The following PLXNA4 variants were observed in gnomAD, a reference collection of about 807,000 sequenced individuals.
PLXNA4 encodes the protein plexin A4, also known as plexin-A4.
Under a neutral mutation model 191.8 loss-of-function variants are expected in PLXNA4, and 44 were observed. That is an observed-to-expected ratio of 0.23 (90% confidence interval 0.18 to 0.29). The LOEUF is 0.29. PLXNA4 is among the 10% of genes least tolerant of loss of function. PLXNA4 has a pLI of 1.00. For synonymous variants in PLXNA4, 1,082 were observed against 1,009.5 expected, an observed-to-expected ratio of 1.07 and a Z score of -1.36; for missense variants, 1,800 against 2,488.8, an observed-to-expected ratio of 0.72 and a Z score of 5.89.
At chr7:132,257,865 A>G (rs565326803) in intron 4 of PLXNA4, among the ~76,000 whole-genome samples, 1 of 152,298 alleles carries the variant, frequency 6.6e-6, no homozygotes, top group South Asian at 2.1e-4. Context: ...CTGTAGATGG[A>G]GGAATTGGAA....
chr7:132,500,623 T>C (rs1009359869), intron 2 of PLXNA4, among the ~76,000 whole-genome samples: 1 of 152,118 alleles, frequency 6.6e-6, no homozygotes, highest in Non-Finnish European at 1.5e-5. Context: ...ATTCTAAGCA[T>C]GAAATCACTG....
chr7:132,277,537 C>T (rs901887582), intron 4 of PLXNA4, among the ~76,000 whole-genome samples: 3 of 152,116 alleles, frequency 2.0e-5, no homozygotes, highest in African/African-American at 4.8e-5. Context: ...ATGAGTCCTA[C>T]GGTGTCCTGA....
intron 3 of PLXNA4, among the ~76,000 whole-genome samples, chr7:132,298,859 A>G (rs1026434162): frequency 6.6e-6 from 1 of 152,280 alleles, no homozygotes; most frequent in Non-Finnish European, 1.5e-5. Context: ...TGCTTCAGGC[A>G]TGAGTCATCC....
At chr7:132,601,170 AG>A (rs1048344455) in intron 2 of PLXNA4, among the ~76,000 whole-genome samples, 76 of 152,290 alleles carry the variant, frequency 5.0e-4, no homozygotes, top group African/African-American at 1.7e-3. Context: ...AGCACATGGG[AG>A]GGTTCAGTAA....
intron 1 of PLXNA4, among the ~76,000 whole-genome samples, chr7:132,565,116 C>T (rs767763442): frequency 1.3e-5 from 2 of 152,158 alleles, no homozygotes; most frequent in Non-Finnish European, 2.9e-5. Context: ...TTTTCTTTCA[C>T]CTTGTGTGTA....
intron 3 of PLXNA4, among the ~76,000 whole-genome samples, chr7:132,435,308 G>C (rs1308446068): frequency 6.6e-6 from 1 of 152,082 alleles, no homozygotes; most frequent in African/African-American, 2.4e-5. Context: ...GTGGGGAGGG[G>C]GGAGAGATTC....
chr7:132,238,829 C>G (rs1798788503), intron 5 of PLXNA4, among the ~76,000 whole-genome samples: 1 of 152,104 alleles, frequency 6.6e-6, no homozygotes, highest in African/African-American at 2.4e-5. Context: ...GGGGGGCACC[C>G]ATGAGCTCAC....
At chr7:132,484,905 G>A in intron 3 of PLXNA4, 1 of 1,614,204 alleles carries the variant, frequency 6.2e-7, no homozygotes. Flanking sequence ...GAGCACTGAA[G>A]ATACACACAC....
At chr7:132,450,077 A>G (rs1796064294) in intron 3 of PLXNA4, among the ~76,000 whole-genome samples, 1 of 152,150 alleles carries the variant, frequency 6.6e-6, no homozygotes, top group Admixed American at 6.5e-5. Flanking sequence ...AGGAAGGAAG[A>G]TGACTGCTCT....
chr7:132,643,796 T>TA (rs971990369), intron 2 of PLXNA4, among the ~76,000 whole-genome samples: 1 of 151,942 alleles, frequency 6.6e-6, no homozygotes, highest in Non-Finnish European at 1.5e-5. Context: ...AAAAAAATTT[T>TA]AAAAAATTAC....
chr7:132,587,400 C>T (rs1416671598), intron 2 of PLXNA4, among the ~76,000 whole-genome samples: 1 of 152,102 alleles, frequency 6.6e-6, no homozygotes, highest in Non-Finnish European at 1.5e-5. Context: ...ATAGAGTTCT[C>T]TAAAGAAAAA....
intron 22 of PLXNA4, among the ~76,000 whole-genome samples, chr7:132,167,891 C>T (rs1796167157): frequency 6.6e-6 from 1 of 152,150 alleles, no homozygotes; most frequent in Non-Finnish European, 1.5e-5. Flanking sequence ...GCTCCCGATG[C>T]TGTCCTCTGC....
chr7:132,295,506 G>C (rs562486216), intron 4 of PLXNA4, among the ~76,000 whole-genome samples: 1 of 152,328 alleles, frequency 6.6e-6, no homozygotes, highest in East Asian at 1.9e-4. Flanking sequence ...GGCTGAGGGA[G>C]ACCCACCACC....
At chr7:132,583,695 CTG>C (rs1235986157) in intron 2 of PLXNA4, among the ~76,000 whole-genome samples, 1 of 152,224 alleles carries the variant, frequency 6.6e-6, no homozygotes, top group East Asian at 1.9e-4. Context: ...CTCCAGGACT[CTG>C]TGGCCTGGCT....
chr7:132,175,621 G>A (rs1688013887), intron 20 of PLXNA4, among the ~76,000 whole-genome samples: 1 of 152,296 alleles, frequency 6.6e-6, no homozygotes, highest in African/African-American at 2.4e-5. Context: ...TGAACAGAGT[G>A]GCAAGAACCC....
At chr7:132,515,038 C>T (rs1267740386) in intron 1 of PLXNA4, among the ~76,000 whole-genome samples, 2 of 152,096 alleles carry the variant, frequency 1.3e-5, no homozygotes, top group African/African-American at 2.4e-5. Context: ...GAACGGGGGT[C>T]GGGAGGGCAT....
At chr7:132,484,275 G>C (rs1797452906) in intron 3 of PLXNA4, among the ~76,000 whole-genome samples, 1 of 152,166 alleles carries the variant, frequency 6.6e-6, no homozygotes. Context: ...CAGTCTGAAG[G>C]GCCAGTCTTA....
intron 3 of PLXNA4, among the ~76,000 whole-genome samples, chr7:132,301,986 A>G (rs1801324790): frequency 6.6e-6 from 1 of 152,220 alleles, no homozygotes; most frequent in South Asian, 2.1e-4. Context: ...ACTAGAACCC[A>G]GGTCTCCTGA....
chr7:132,534,529 G>A (rs968830374), intron 1 of PLXNA4, among the ~76,000 whole-genome samples: 4 of 152,162 alleles, frequency 2.6e-5, no homozygotes, highest in African/African-American at 9.7e-5. Flanking sequence ...GCCCGTGAGT[G>A]TTGTGTGTGC....
Sources: allele counts gnomAD v4.1 joint callset (sites outside exome capture counted in the v4.1 genomes callset), GRCh38; gene constraint gnomAD v4.1.1; transcripts MANE v1.5; gene names NCBI Gene and HGNC (gene_info 2026-07-23, HGNC 2026-07-21).